Variants in RERG observed in about 807,000 individuals in gnomAD.
RERG encodes the protein ras-related and estrogen-regulated growth inhibitor.
Under a neutral mutation model 23.2 loss-of-function variants are expected in RERG, and 25 were observed. That is an observed-to-expected ratio of 1.08 (90% CI 0.79 to 1.50). RERG has a LOEUF of 1.50. RERG is among the 40% of genes most tolerant of loss of function. RERG has a pLI of 0.00. For synonymous variants in RERG, 81 were observed against 89.1 expected (o/e 0.91, Z 0.51); for missense variants, 253 against 250.1 (o/e 1.01, Z -0.08).
In RERG at chr12:15,154,586, A is replaced by T. The variant is rs376540142; in HGVS notation, c.62-33467T>A. The stretch of plus-strand genomic sequence containing the variant: ...ATGAGAAATTTGCAGAATGGGAAAA[A>T]CACTGCAATTATAGGCAGCAACCAT... On this transcript the variant is annotated intron_variant, in intron 2 of 4. Transcript: ENST00000256953. Among the ~76,000 whole-genome samples, 19 of 152,330 alleles carry T rather than the reference A, an allele frequency of 1.2e-4. No homozygotes were observed. In the East Asian group the frequency reaches 2.7e-3, roughly 22 times the overall value.
intron 2 of RERG, among the ~76,000 whole-genome samples, chr12:15,169,303 G>A (rs555068332): frequency 1.3e-5 from 2 of 152,310 alleles, no homozygotes; most frequent in East Asian, 3.9e-4. Context: ...TTTTGGGTGT[G>A]TCTGTGAGGC....
At chr12:15,179,275 T>C (rs1448016432) in intron 2 of RERG, among the ~76,000 whole-genome samples, 1 of 152,204 alleles carries the variant, frequency 6.6e-6, no homozygotes, top group African/African-American at 2.4e-5. Flanking sequence ...TCTTTCCTTA[T>C]GTTATCAGAG....
intron 2 of RERG, among the ~76,000 whole-genome samples, chr12:15,176,776 A>G (rs1254902105): frequency 6.6e-6 from 1 of 152,178 alleles, no homozygotes; most frequent in East Asian, 1.9e-4. Context: ...CTTTAAAACT[A>G]TTTTATAAAA....
At chr12:15,188,879 C>T (rs1018022485) in intron 2 of RERG, among the ~76,000 whole-genome samples, 22 of 152,248 alleles carry the variant, frequency 1.4e-4, no homozygotes, top group Non-Finnish European at 1.3e-4. Flanking sequence ...GGGAATGCCT[C>T]AGACGCCCAC....
At chr12:15,161,576 A>G (rs1864615891) in intron 2 of RERG, among the ~76,000 whole-genome samples, 1 of 152,182 alleles carries the variant, frequency 6.6e-6, no homozygotes. Flanking sequence ...CTGGAAGCAC[A>G]TGCATTTTAG....
At position 15,212,042 on chromosome 12, in the gene RERG, C is replaced by CTTTTTTTTTTTTTTTTTTT. The variant is rs772353150; in HGVS notation, c.61+5368_61+5386dup. Among the ~76,000 whole-genome samples the CTTTTTTTTTTTTTTTTTTT allele has an allele frequency of 3.9e-4, 25 of 64,714 alleles. 4 individuals are homozygous for CTTTTTTTTTTTTTTTTTTT. The highest frequency in any genetic ancestry group is 7.8e-4 in the Admixed American group (4 of 5,102). 42.5% of individuals were successfully genotyped at this position (64,714 alleles called of 152,430 possible). A position where few individuals can be genotyped will look rare whatever the true frequency, so the allele number is the denominator to read the frequency against. On this transcript the variant is annotated intron_variant, in intron 2 of 4. Coordinates refer to ENST00000256953, the MANE Select transcript of RERG (RefSeq NM_032918.3). ...ATGTGATATTAGAGCCACGAATAAA[C>CTTTTTTTTTTTTTTTTTTT]TTTTTTTTTTTTTTTTTTTTTTTTT... is the stretch of plus-strand genomic sequence containing the variant.
intron 2 of RERG, among the ~76,000 whole-genome samples, chr12:15,130,460 C>G (rs1035130395): frequency 4.6e-5 from 7 of 152,124 alleles, no homozygotes; most frequent in African/African-American, 1.7e-4. Flanking sequence ...GGACAAATAT[C>G]TCTTCATATA....
chr12:15,174,371 T>C (rs552369552), intron 2 of RERG, among the ~76,000 whole-genome samples: 1 of 152,062 alleles, frequency 6.6e-6, no homozygotes, highest in African/African-American at 2.4e-5. Flanking sequence ...CATTTTTCCC[T>C]TGTTGCTTTT....
chr12:15,131,211 T>C (rs1864040749), intron 2 of RERG, among the ~76,000 whole-genome samples: 1 of 152,196 alleles, frequency 6.6e-6, no homozygotes, highest in Non-Finnish European at 1.5e-5. Context: ...TCAACTAATT[T>C]GGCTTTATCT....
At chr12:15,153,618 T>C (rs962308197) in intron 2 of RERG, among the ~76,000 whole-genome samples, 2 of 151,968 alleles carry the variant, frequency 1.3e-5, no homozygotes, top group Non-Finnish European at 2.9e-5. Flanking sequence ...AAAAAGAATA[T>C]TCACGGTGCA....
chr12:15,125,170 G>C (rs1202357058), intron 2 of RERG, among the ~76,000 whole-genome samples: 1 of 151,782 alleles, frequency 6.6e-6, no homozygotes, highest in African/African-American at 2.4e-5. Context: ...TGCCAACTTT[G>C]GGACAATTCT....
chr12:15,166,590 T>A (rs1253543466), intron 2 of RERG, among the ~76,000 whole-genome samples: 1 of 151,944 alleles, frequency 6.6e-6, no homozygotes, highest in Non-Finnish European at 1.5e-5. Context: ...GTAGGGGTGG[T>A]GCCACTGCAG....
chr12:15,128,817 T>C (rs779449486), intron 2 of RERG, among the ~76,000 whole-genome samples: 2 of 152,168 alleles, frequency 1.3e-5, no homozygotes, highest in Non-Finnish European at 2.9e-5. Context: ...CTCCTTCTTC[T>C]TCCCTCCCTC....
chr12:15,118,639 T>C (rs1189844638), intron 3 of RERG, among the ~76,000 whole-genome samples: 1 of 152,160 alleles, frequency 6.6e-6, no homozygotes. Flanking sequence ...TTTAACACCT[T>C]CCTTCGTGGT....
intron 2 of RERG, among the ~76,000 whole-genome samples, chr12:15,188,679 T>C (rs778448377): frequency 6.6e-6 from 1 of 152,252 alleles, no homozygotes; most frequent in African/African-American, 2.4e-5. Flanking sequence ...TGTGTGCTTA[T>C]ACCAAAAACA....
Position 15,195,598 on chromosome 12 carries a change from T to C in RERG, c.61+21831A>G, listed in dbSNP as rs999151358. On this transcript the variant is annotated intron_variant, in intron 2 of 4. Transcript: ENST00000256953. The stretch of plus-strand genomic sequence containing the variant: ...GTGTGTGTGTGTGTGTGTGTGTGTG[T>C]GTGCATGTGTGTGTTGTATTCTGTT... 3.4e-5 allele frequency among the ~76,000 whole-genome samples: 5 copies of C among 147,760 alleles called. No homozygotes were observed. In the East Asian group the frequency reaches 8.1e-4, roughly 24 times the overall value.
Position 15,121,102 on chromosome 12 carries a change from GA to G in RERG, c.78del (p.Leu27Ter), listed in dbSNP as rs1863823358. 1.2e-6 allele frequency: 2 copies of G among 1,613,232 alleles called. No individual in the cohort carries two copies. The highest frequency in any genetic ancestry group is 1.7e-6 in the Non-Finnish European group (2 of 1,179,488). ...GVGKSALVVR[F>X]LTKRFIWEYD... ...TATTCCCAGATGAACCGTTTGGTCA[GA>G]AATCTCACTACAAGAGCTGTGGAAG... On this transcript the variant is annotated frameshift_variant, in exon 3 of 5. Coordinates refer to ENST00000256953, the MANE Select transcript of RERG (RefSeq NM_032918.3). LOFTEE classifies it high-confidence loss of function.
chr12:15,133,167 ATATATATG>A (rs1864084132), intron 2 of RERG, among the ~76,000 whole-genome samples: 2 of 141,306 alleles, frequency 1.4e-5, no homozygotes, highest in Admixed American at 1.4e-4. Flanking sequence ...ATATATATAT[ATATATATG>A]TACATGTAAC....
chr12:15,122,798 TTGTTTTTTGTTTTC>T (rs1565509116), intron 2 of RERG, among the ~76,000 whole-genome samples: 2 of 151,760 alleles, frequency 1.3e-5, no homozygotes, highest in African/African-American at 4.8e-5. Flanking sequence ...GTTTTTTTTT[TTGTTTTTTGTTTTC>T]GTTTTTTTGA....
Sources: gnomAD v4.1 joint callset for allele counts (sites outside exome capture counted in the v4.1 genomes callset) on GRCh38, gnomAD v4.1.1 for gene constraint, MANE v1.5 for transcripts, NCBI Gene and HGNC (gene_info 2026-07-23, HGNC 2026-07-21) for gene names.